Variants in PRKCZ observed in about 807,000 individuals in gnomAD.
The protein encoded by PRKCZ is protein kinase C zeta type.
Under a neutral mutation model 79.5 loss-of-function variants are expected in PRKCZ, and 33 were observed. The ratio of observed to expected loss-of-function variants is 0.41; its 90% CI spans 0.31 to 0.55. The LOEUF is 0.55. Among genes scored for constraint, PRKCZ ranks in the 20% least tolerant of loss-of-function variants. The pLI is 0.19. For missense variants in PRKCZ, 578 were observed against 813.5 expected, an observed-to-expected ratio of 0.71 and a Z score of 3.52; for synonymous variants, 342 against 320.9, an observed-to-expected ratio of 1.07 and a Z score of -0.70.
At chr1:2,074,426 TTGTGGGTC>T (rs3067307) in intron 4 of PRKCZ, among the ~76,000 whole-genome samples, 64 of 151,886 alleles carry the variant, frequency 4.2e-4, no homozygotes, top group Non-Finnish European at 4.4e-4. Flanking sequence ...TGCTTTTTGG[TTGTGGGTC>T]TGTGGGTCTG....
At chr1:2,078,296 T>C (rs1662813649) in intron 4 of PRKCZ, among the ~76,000 whole-genome samples, 2 of 152,244 alleles carry the variant, frequency 1.3e-5, no homozygotes, top group Non-Finnish European at 1.5e-5. Context: ...GGGGATCTAG[T>C]TGGAAAATGC....
chr1:2,149,131 G>A lies in PRKCZ; in HGVS notation c.687+207G>A, dbSNP rs186391254. 1.6e-4 allele frequency among the ~76,000 whole-genome samples: 24 copies of A among 152,350 alleles called. No individual in the cohort carries two copies. The East Asian group carries it at 3.7e-3, about 23-fold the overall frequency. On this transcript the variant is annotated intron_variant, in intron 8 of 17. Coordinates refer to ENST00000378567, the MANE Select transcript of PRKCZ (RefSeq NM_002744.6). The surrounding 1 kb of genome is among the most constrained non-coding windows in gnomAD (Gnocchi z 4.1). The stretch of plus-strand genomic sequence containing the variant: ...TGTCCTTGATGAATACCTGCAGGCA[G>A]CTGTCCCCGCAGGTGGTCTGGGGAC...
chr1:2,091,583 G>A (rs1665511234), intron 4 of PRKCZ, among the ~76,000 whole-genome samples: 1 of 152,068 alleles, frequency 6.6e-6, no homozygotes, highest in African/African-American at 2.4e-5. Flanking sequence ...GCCCAGTGTG[G>A]GTCTAGTTTG....
chr1:2,138,860 G>A (rs1676752163), intron 5 of PRKCZ, among the ~76,000 whole-genome samples: 1 of 152,176 alleles, frequency 6.6e-6, no homozygotes, highest in Admixed American at 6.5e-5. Flanking sequence ...CTTGAACCCA[G>A]GAGGCGGGGG....
chr1:2,135,411 G>A (rs1675981038), intron 5 of PRKCZ, 64 bp downstream of exon 5: 1 of 1,429,072 alleles, frequency 7.0e-7, no homozygotes, highest in East Asian at 2.4e-5. Context: ...AGCAAAGAGA[G>A]AGGAGGGGAG....
At chr1:2,073,486 C>T (rs1022704181) in intron 4 of PRKCZ, 6 of 409,946 alleles carry the variant, frequency 1.5e-5, no homozygotes, top group South Asian at 1.0e-4. Flanking sequence ...TGCAGGACCC[C>T]GGGCTTAGCT....
At chr1:2,163,628 C>T (rs542416381) in intron 10 of PRKCZ, among the ~76,000 whole-genome samples, 74 of 152,256 alleles carry the variant, frequency 4.9e-4, no homozygotes, top group Non-Finnish European at 9.3e-4. Context: ...CGGTGGCTCA[C>T]GCCTGTAATC....
chr1:2,175,105 C>A, intron 15 of PRKCZ, 119 bp from the exon 16 acceptor site: 1 of 856,732 alleles, frequency 1.2e-6, no homozygotes, highest in Non-Finnish European at 1.9e-6. Flanking sequence ...TGATTTCCAC[C>A]ACCTGGGTCA....
intron 4 of PRKCZ, among the ~76,000 whole-genome samples, 175 bp downstream of exon 4, chr1:2,059,766 C>T (rs1451428218): frequency 6.6e-6 from 1 of 152,212 alleles, no homozygotes; most frequent in Non-Finnish European, 1.5e-5. Context: ...GCTGCCTGTG[C>T]GTGTTCTGGC....
intron 4 of PRKCZ, among the ~76,000 whole-genome samples, chr1:2,065,051 A>G (rs1458524488): frequency 6.6e-6 from 1 of 152,174 alleles, no homozygotes; most frequent in Non-Finnish European, 1.5e-5. Context: ...TTTTCCTTGT[A>G]CAAGTCTTTC....
In PRKCZ at chr1:2,140,328, A is replaced by G. The variant is rs1432268944; in HGVS notation, c.421-3882A>G. On this transcript the variant is annotated intron_variant, in intron 5 of 17. Coordinates refer to ENST00000378567, the MANE Select transcript of PRKCZ (RefSeq NM_002744.6). ...CCATCAGAATAGGTAAGGGTGTGAC[A>G]GGTCTAAAACATGAAAATGGGCGAT... Among the ~76,000 whole-genome samples, 5 of 152,182 alleles carry G rather than the reference A, an allele frequency of 3.3e-5. 1 individual carries two copies. Among genetic ancestry groups the G allele is most frequent in the Admixed American group, 6.5e-5 (1 of 15,276 alleles).
At chr1:2,126,956 TC>T (rs1453987117) in intron 4 of PRKCZ, among the ~76,000 whole-genome samples, 1 of 152,240 alleles carries the variant, frequency 6.6e-6, no homozygotes, top group Non-Finnish European at 1.5e-5. Flanking sequence ...TTCTGCCTGT[TC>T]CTGGGGGTCC....
chr1:2,113,531 C>A (rs1402176633), intron 4 of PRKCZ, among the ~76,000 whole-genome samples: 1 of 152,168 alleles, frequency 6.6e-6, no homozygotes, highest in African/African-American at 2.4e-5. Flanking sequence ...TCCGATAGCC[C>A]CTTTGTCAGA....
intron 16 of PRKCZ, 61 bp downstream of exon 16, chr1:2,175,374 C>T: frequency 2.2e-6 from 3 of 1,342,114 alleles, no homozygotes; most frequent in South Asian, 1.3e-5. Flanking sequence ...ATCTACCCAA[C>T]CCCCATCCCA....
intron 7 of PRKCZ, among the ~76,000 whole-genome samples, chr1:2,147,896 T>G (rs1678969948): frequency 6.6e-6 from 1 of 151,948 alleles, no homozygotes; most frequent in African/African-American, 2.4e-5. Flanking sequence ...TCCACTGACC[T>G]CTCCATCTTT....
chr1:2,117,028 C>T (rs1337214350), intron 4 of PRKCZ, among the ~76,000 whole-genome samples: 1 of 152,072 alleles, frequency 6.6e-6, no homozygotes, highest in Non-Finnish European at 1.5e-5. Context: ...TGGCTCACTG[C>T]AGCCTTGACC....
chr1:2,120,878 C>T (rs2102830995), intron 4 of PRKCZ, among the ~76,000 whole-genome samples: 1 of 140,396 alleles, frequency 7.1e-6, no homozygotes, highest in African/African-American at 2.7e-5. Flanking sequence ...CAATGGCACG[C>T]TCTCGGCTCA....
chr1:2,177,615 A>G lies in PRKCZ; in HGVS notation c.1575+2302A>G, dbSNP rs1264330490. ...GCCCGAGCCGGAACTCAAGGAGACC[A>G]TGAAGCCACCCTTGGCCTCTAGCTG... On this transcript the variant is annotated intron_variant, in intron 16 of 17. Transcript: ENST00000378567. The surrounding 1 kb of genome is among the most constrained non-coding windows in gnomAD (Gnocchi z 6.4). Among the ~76,000 whole-genome samples the G allele has an allele frequency of 1.3e-5, 2 of 152,188 alleles. No homozygotes were observed. Among genetic ancestry groups the G allele is most frequent in the African/African-American group, 4.8e-5 (2 of 41,438 alleles).
intron 16 of PRKCZ, chr1:2,181,858 CTGAT>C (rs1451961385): frequency 2.2e-6 from 1 of 456,290 alleles, no homozygotes; most frequent in Non-Finnish European, 4.4e-6. Context: ...ATACAAGTAA[CTGAT>C]GAATGAAGGG....
Sources: allele counts gnomAD v4.1 joint callset (sites outside exome capture counted in the v4.1 genomes callset), GRCh38; gene constraint gnomAD v4.1.1; non-coding constraint Gnocchi (gnomAD v3.1); transcripts MANE v1.5; gene names NCBI Gene and HGNC (gene_info 2026-07-23, HGNC 2026-07-21).